LMLN: variants seen among roughly 807,000 people sequenced by gnomAD.
LMLN encodes the protein leishmanolysin like peptidase.
LMLN carries 70 observed loss-of-function variants against 92.3 expected under a neutral mutation model. The observed-to-expected ratio is 0.76, with a 90% confidence interval of 0.63 to 0.92. LMLN has a LOEUF of 0.92. Ranked by LOEUF, LMLN falls within the 40% of genes least tolerant of loss-of-function variation. LMLN has a pLI of 0.00. For missense variants in LMLN, 691 were observed against 814.6 expected (o/e 0.85, Z 1.85); for synonymous variants, 308 against 296.2 (o/e 1.04, Z -0.41).
chr3:197,961,974 C>T (rs749518703), intron 1 of LMLN, among the ~76,000 whole-genome samples: 5 of 152,180 alleles, frequency 3.3e-5, no homozygotes, highest in Non-Finnish European at 7.3e-5. Flanking sequence ...AGCCATTCCG[C>T]AGCCCCCTAC....
At chr3:198,014,476 C>G (rs371286339) in intron 11 of LMLN, among the ~76,000 whole-genome samples, 15 of 128,908 alleles carry the variant, frequency 1.2e-4, no homozygotes, top group East Asian at 5.2e-4. Context: ...TTCAGAGCCC[C>G]CTAACTAGTC....
At chr3:197,970,687 A>C (rs1721198642) in intron 1 of LMLN, among the ~76,000 whole-genome samples, 1 of 152,246 alleles carries the variant, frequency 6.6e-6, no homozygotes, top group Non-Finnish European at 1.5e-5. Flanking sequence ...TAGTTTAGAC[A>C]CAATGAGCCA....
intron 9 of LMLN, among the ~76,000 whole-genome samples, chr3:197,993,832 G>A (rs777451272): frequency 6.2e-4 from 94 of 152,272 alleles, no homozygotes; most frequent in Non-Finnish European, 1.1e-3. Flanking sequence ...GCAGTGTGAT[G>A]CCTCCAGCTT....
chr3:197,964,480 C>T (rs1679878766), intron 1 of LMLN, among the ~76,000 whole-genome samples: 1 of 150,506 alleles, frequency 6.6e-6, no homozygotes, highest in Non-Finnish European at 1.5e-5. Context: ...AGCAGAGCAA[C>T]CTCGGCTTCC....
exon 4 of LMLN, chr3:197,976,068 A>T (rs1721369527): frequency 6.2e-7 from 1 of 1,607,730 alleles, no homozygotes; most frequent in Non-Finnish European, 8.5e-7. Context: ...TTTAGAGAAG[A>T]CTTTTCAGGT....
chr3:198,026,922 T>C (rs1722948227), intron 14 of LMLN, among the ~76,000 whole-genome samples: 1 of 152,158 alleles, frequency 6.6e-6, no homozygotes, highest in Non-Finnish European at 1.5e-5. Context: ...GAATACCAGC[T>C]CATCAGGCCC....
At chr3:197,969,632 G>T (rs1403643699) in intron 1 of LMLN, among the ~76,000 whole-genome samples, 1 of 152,108 alleles carries the variant, frequency 6.6e-6, no homozygotes, top group Non-Finnish European at 1.5e-5. Context: ...ATATGATCTA[G>T]CTAGGTGAAT....
intron 14 of LMLN, among the ~76,000 whole-genome samples, chr3:198,033,501 C>T (rs535611670): frequency 7.6e-4 from 115 of 152,122 alleles, no homozygotes; most frequent in African/African-American, 2.5e-3. Context: ...ACTGCAACCT[C>T]GGCCTCCTGG....
In LMLN at chr3:197,980,903, C is replaced by T. The variant is rs757792563; in HGVS notation, c.728+399C>T. Among the ~76,000 whole-genome samples, 15 of 151,366 alleles carry T rather than the reference C, an allele frequency of 9.9e-5. No individual in the cohort carries two copies. In the East Asian group the frequency reaches 2.0e-3, roughly 20 times the overall value. ...GGAGGATCACGTCAGCCCAGGAGCT[C>T]GAGACCCGCTTGGGCAACATAGTGA... is the stretch of plus-strand genomic sequence containing the variant. On this transcript the variant is annotated intron_variant, in intron 6 of 15. Transcript: ENST00000330198.
chr3:198,032,565 A>T (rs1442873510), intron 14 of LMLN, among the ~76,000 whole-genome samples: 1 of 152,248 alleles, frequency 6.6e-6, no homozygotes, highest in Non-Finnish European at 1.5e-5. Context: ...AAGTGCTGTC[A>T]TCGGCTTCTG....
At chr3:198,030,755 A>G (rs1192652776) in intron 14 of LMLN, among the ~76,000 whole-genome samples, 1 of 152,032 alleles carries the variant, frequency 6.6e-6, no homozygotes, top group African/African-American at 2.4e-5. Flanking sequence ...TTTTTATTTT[A>G]ATGGAACATA....
chr3:197,972,951 G>A (rs1387149890), intron 1 of LMLN, among the ~76,000 whole-genome samples: 1 of 152,068 alleles, frequency 6.6e-6, no homozygotes, highest in African/African-American at 2.4e-5. Flanking sequence ...GGTGATACAA[G>A]TTCTGAACAT....
intron 1 of LMLN, among the ~76,000 whole-genome samples, chr3:197,968,113 T>C (rs942438529): frequency 6.6e-6 from 1 of 152,204 alleles, no homozygotes; most frequent in Non-Finnish European, 1.5e-5. Context: ...TGAGGTGATG[T>C]ACATCCTCAG....
At position 197,999,361 on chromosome 3, in the gene LMLN, G is replaced by T; in HGVS notation, c.1232+19G>T. 6.5e-7 allele frequency: 1 copy of T among 1,531,290 alleles called. No individual in the cohort carries two copies. 94.9% of individuals were successfully genotyped at this position (1,531,290 alleles called of 1,614,324 possible). The stretch of plus-strand genomic sequence containing the variant: ...ACACTGGGTAAGACAGCTGTGACAA[G>T]AGGATATGAATTGCTTATGAAAATG... On this transcript the variant is annotated intron_variant, in intron 11 of 15. Transcript: ENST00000330198.
intron 11 of LMLN, among the ~76,000 whole-genome samples, chr3:198,016,494 T>C (rs182626787): frequency 1.4e-3 from 215 of 152,334 alleles, no homozygotes; most frequent in African/African-American, 4.5e-3. Flanking sequence ...AAGTCATGAC[T>C]GTGCTGAGAG....
chr3:197,976,605 G>A, exon 5 of LMLN: 1 of 1,574,686 alleles, frequency 6.4e-7, no homozygotes, highest in Non-Finnish European at 8.7e-7. Context: ...AAGACAATGT[G>A]CAACAAACCA....
chr3:198,018,383 C>G (rs1722695573), intron 11 of LMLN, among the ~76,000 whole-genome samples: 1 of 152,206 alleles, frequency 6.6e-6, no homozygotes, highest in Admixed American at 6.5e-5. Flanking sequence ...GCACTGAGTG[C>G]TTTGCGGTTG....
At position 197,984,657 on chromosome 3, in the gene LMLN, CAGGCTGGTCTCAAACTCCT is replaced by C. The variant is rs1721652107; in HGVS notation, c.834+615_834+633del. 2.0e-5 allele frequency among the ~76,000 whole-genome samples: 3 copies of C among 151,742 alleles called. No individual in the cohort carries two copies. The South Asian group carries it at 6.3e-4, about 32-fold the overall frequency. On this transcript the variant is annotated intron_variant, in intron 7 of 15. Coordinates refer to ENST00000330198, the Ensembl canonical transcript of LMLN. ...AGAGATAAGGTCTCGCTATGTTGCC[CAGGCTGGTCTCAAACTCCT>C]AGGCTCAAGTGATCCTCCTGTCTCA... is the stretch of plus-strand genomic sequence containing the variant.
At chr3:198,000,610 T>C (rs1228311916) in intron 11 of LMLN, among the ~76,000 whole-genome samples, 1 of 152,068 alleles carries the variant, frequency 6.6e-6, no homozygotes, top group Non-Finnish European at 1.5e-5. Context: ...GTATTTTTAG[T>C]GTAGATGGGG....
Sources: allele counts gnomAD v4.1 joint callset (sites outside exome capture counted in the v4.1 genomes callset), GRCh38; gene constraint gnomAD v4.1.1; transcripts MANE v1.5; gene names NCBI Gene and HGNC (gene_info 2026-07-23, HGNC 2026-07-21).